Variants in TMPRSS11E observed in about 807,000 individuals in gnomAD.
The protein encoded by TMPRSS11E is transmembrane serine protease 11E, also known as transmembrane protease serine 11E.
TMPRSS11E carries 38 observed loss-of-function variants against 48.1 expected under a neutral mutation model. The ratio of observed to expected loss-of-function variants is 0.79; its 90% CI spans 0.61 to 1.04. The LOEUF (loss-of-function observed/expected upper bound fraction) is 1.04. Among genes scored for constraint, TMPRSS11E ranks in the 50% least tolerant of loss-of-function variants. The probability of loss-of-function intolerance (pLI) is 0.00; values close to 1 mark genes in which losing one functional copy is unlikely to be tolerated. For missense variants in TMPRSS11E, 530 were observed against 510.8 expected, an observed-to-expected ratio of 1.04 and a Z score of -0.36; for synonymous variants, 158 against 171.9, an observed-to-expected ratio of 0.92 and a Z score of 0.63.
intron 1 of TMPRSS11E, among the ~76,000 whole-genome samples, chr4:68,448,735 T>A (rs1198340451): frequency 1.3e-5 from 2 of 151,730 alleles, no homozygotes; most frequent in African/African-American, 4.8e-5. Flanking sequence ...ATGCAAATAA[T>A]CTCTCATGGA....
intron 1 of TMPRSS11E, among the ~76,000 whole-genome samples, chr4:68,461,306 A>G (rs969448002): frequency 2.0e-5 from 3 of 152,218 alleles, no homozygotes; most frequent in African/African-American, 7.2e-5. Flanking sequence ...TCAGAAAATT[A>G]GAAGAATAGA....
intron 2 of TMPRSS11E, among the ~76,000 whole-genome samples, chr4:68,462,205 A>G (rs558544689): frequency 6.6e-6 from 1 of 152,288 alleles, no homozygotes; most frequent in South Asian, 2.1e-4. Context: ...ATAAGTGAGT[A>G]TTAATCAAAG....
intron 1 of TMPRSS11E, among the ~76,000 whole-genome samples, chr4:68,449,191 A>G (rs1329716506): frequency 6.6e-6 from 1 of 151,528 alleles, no homozygotes; most frequent in Non-Finnish European, 1.5e-5. Flanking sequence ...TTCTTCTTGT[A>G]CTGCCATTTT....
intron 3 of TMPRSS11E, 47 bp from the exon 4 acceptor site, chr4:68,468,832 T>C: frequency 7.4e-7 from 1 of 1,349,154 alleles, no homozygotes; most frequent in South Asian, 1.2e-5. Context: ...TTGTGGAATT[T>C]CAGAAAGTTG....
chr4:68,465,183 A>G (rs1728893743), intron 2 of TMPRSS11E, among the ~76,000 whole-genome samples: 1 of 152,140 alleles, frequency 6.6e-6, no homozygotes, highest in African/African-American at 2.4e-5. Context: ...GGAAGGATGG[A>G]GGAAGAGTAA....
intron 3 of TMPRSS11E, among the ~76,000 whole-genome samples, chr4:68,468,194 A>G (rs1225834156): frequency 1.3e-5 from 2 of 152,182 alleles, no homozygotes; most frequent in Non-Finnish European, 2.9e-5. Flanking sequence ...GTAAGTGTTT[A>G]CTAAATATCC....
chr4:68,488,074 G>A (rs55658908), intron 9 of TMPRSS11E, among the ~76,000 whole-genome samples: 7,944 of 151,404 alleles, frequency 0.052, 737 homozygotes, highest in African/African-American at 0.18. Context: ...CTGTCCCTTT[G>A]CTCTACTGCT....
intron 7 of TMPRSS11E, 116 bp downstream of exon 7, chr4:68,476,554 T>A: frequency 9.7e-7 from 1 of 1,033,412 alleles, no homozygotes; most frequent in Non-Finnish European, 1.4e-6. Context: ...AAATAGTGTG[T>A]ATATCACAAA....
At chr4:68,460,094 C>T (rs970211595) in intron 1 of TMPRSS11E, among the ~76,000 whole-genome samples, 3 of 152,100 alleles carry the variant, frequency 2.0e-5, no homozygotes, top group East Asian at 1.9e-4. Context: ...GTTACGGCCC[C>T]GTGGAAAAAT....
intron 2 of TMPRSS11E, 61 bp from the exon 3 acceptor site, chr4:68,466,570 T>C (rs1728931787): frequency 1.3e-6 from 2 of 1,580,848 alleles, no homozygotes; most frequent in Non-Finnish European, 1.7e-6. Flanking sequence ...AGCGGGGATA[T>C]AATGATGCTT....
chr4:68,471,834 T>A (rs1729079964), intron 5 of TMPRSS11E, among the ~76,000 whole-genome samples: 1 of 151,922 alleles, frequency 6.6e-6, no homozygotes, highest in African/African-American at 2.4e-5. Context: ...TTTTATTAAC[T>A]CCTTAGCAGT....
chr4:68,457,641 C>A (rs1387545421), intron 1 of TMPRSS11E, among the ~76,000 whole-genome samples: 1 of 152,042 alleles, frequency 6.6e-6, no homozygotes, highest in Admixed American at 6.6e-5. Context: ...AGACTTGGAA[C>A]CAACCCAAAT....
At chr4:68,492,984 ACT>A (rs1330102592) in intron 9 of TMPRSS11E, among the ~76,000 whole-genome samples, 1 of 152,100 alleles carries the variant, frequency 6.6e-6, no homozygotes, top group Non-Finnish European at 1.5e-5. Context: ...AACATCGTGC[ACT>A]TTTACATTTA....
chr4:68,474,857 C>A (rs1393812237), intron 6 of TMPRSS11E, 96 bp downstream of exon 6: 2 of 955,146 alleles, frequency 2.1e-6, no homozygotes, highest in Admixed American at 2.6e-5. Context: ...ATCATAGGGA[C>A]AGAACACATA....
chr4:68,456,666 G>T (rs187437007), intron 1 of TMPRSS11E, among the ~76,000 whole-genome samples: 5 of 152,068 alleles, frequency 3.3e-5, no homozygotes, highest in Admixed American at 6.6e-5. Flanking sequence ...ACAATCCTAT[G>T]AGCTAAGCTA....
At chr4:68,492,253 T>G (rs1729745415) in intron 9 of TMPRSS11E, among the ~76,000 whole-genome samples, 1 of 152,204 alleles carries the variant, frequency 6.6e-6, no homozygotes, top group Admixed American at 6.5e-5. Flanking sequence ...GATTCCATAT[T>G]TGCAAATTCA....
At chr4:68,464,880 T>G (rs1293063953) in intron 2 of TMPRSS11E, among the ~76,000 whole-genome samples, 1 of 152,186 alleles carries the variant, frequency 6.6e-6, no homozygotes, top group African/African-American at 2.4e-5. Context: ...GAGTCTAACT[T>G]TAGACCTCAT....
chr4:68,490,001 G>T (rs1004199160), intron 9 of TMPRSS11E, among the ~76,000 whole-genome samples: 1 of 152,276 alleles, frequency 6.6e-6, no homozygotes, highest in South Asian at 2.1e-4. Flanking sequence ...TGTTCTCCCT[G>T]CCACCTTAAC....
At chr4:68,474,939 T>G (rs62317863) in intron 6 of TMPRSS11E, among the ~76,000 whole-genome samples, 178 bp downstream of exon 6, 41,799 of 151,994 alleles carry the variant, frequency 0.28, 6,417 homozygotes, top group Middle Eastern at 0.44. Flanking sequence ...TAGTAAAGGA[T>G]AGCAAAATTG....
Sources: gnomAD v4.1 joint callset for allele counts (sites outside exome capture counted in the v4.1 genomes callset) on GRCh38, gnomAD v4.1.1 for gene constraint, MANE v1.5 for transcripts, NCBI Gene and HGNC (gene_info 2026-07-23, HGNC 2026-07-21) for gene names.